PRKCG: variants seen among roughly 807,000 people sequenced by gnomAD.
The protein encoded by PRKCG is protein kinase C gamma, also known as protein kinase C gamma type.
PRKCG carries 28 observed loss-of-function variants against 82.0 expected under a neutral mutation model. That is an observed-to-expected ratio of 0.34 (90% confidence interval 0.25 to 0.47). The LOEUF is 0.47. PRKCG is among the 20% of genes least tolerant of loss of function. The pLI is 1.00. For missense variants in PRKCG, 640 were observed against 952.7 expected (o/e 0.67, Z 4.32); for synonymous variants, 383 against 376.6 (o/e 1.02, Z -0.20).
intron 3 of PRKCG, among the ~76,000 whole-genome samples, chr19:53,886,548 C>G (rs896008910): frequency 3.3e-5 from 5 of 152,032 alleles, no homozygotes; most frequent in Admixed American, 1.3e-4. Context: ...GGACTATAGG[C>G]ACAAGCCACA....
chr19:53,886,545 A>G (rs992586523), intron 3 of PRKCG, among the ~76,000 whole-genome samples: 1 of 152,082 alleles, frequency 6.6e-6, no homozygotes, highest in African/African-American at 2.4e-5. Context: ...CTGGGACTAT[A>G]GGCACAAGCC....
Position 53,890,002 on chromosome 19 carries a change from G to A in PRKCG, c.514G>A (p.Glu172Lys), listed in dbSNP as rs1443767012. 5.1e-6 allele frequency: 8 copies of A among 1,566,368 alleles called. No homozygotes were observed. Among genetic ancestry groups the A allele is most frequent in the Middle Eastern group, 4.2e-4 (2 of 4,796 alleles). ...QLEIRAPTAD[E>K]IHVTVGEARN... ...GGAGATCCGGGCTCCCACAGCAGAT[G>A]AGATCCACGTAACTGGTGAGGCCCC... Residue 172 changes from glutamate to lysine, a missense_variant, in exon 5 of 18, where the codon GAG (glutamate) becomes AAG (lysine). Glu to Lys is a moderately conservative substitution (Grantham distance 56). This residue lies in a region of PRKCG where 261 missense variants were observed against 312.1 expected (regional missense o/e 0.84). Coordinates refer to ENST00000263431, the MANE Select transcript of PRKCG (RefSeq NM_002739.5).
intron 3 of PRKCG, among the ~76,000 whole-genome samples, chr19:53,888,563 TCTTA>T (rs2068648865): frequency 1.3e-5 from 2 of 152,146 alleles, no homozygotes; most frequent in Admixed American, 1.3e-4. Context: ...GCGGCCTAGC[TCTTA>T]CTTACATTCA....
chr19:53,898,636 T>C lies in PRKCG; in HGVS notation c.1281+8T>C. On this transcript the variant is annotated splice_region_variant and intron_variant, in intron 11 of 17. Coordinates refer to ENST00000263431, the MANE Select transcript of PRKCG (RefSeq NM_002739.5). Reference sequence around the variant, plus strand: ...TCCACCTTCCAGACCCCGGTAAGGATGGAGGGGGCGGAGGCTGTCCTCCGG... The same window carrying C: ...TCCACCTTCCAGACCCCGGTAAGGACGGAGGGGGCGGAGGCTGTCCTCCGG... The C allele has an allele frequency of 1.3e-6, 2 of 1,565,984 alleles. No homozygotes were observed. The highest frequency in any genetic ancestry group is 1.2e-5 in the South Asian group (1 of 86,496).
intron 3 of PRKCG, among the ~76,000 whole-genome samples, chr19:53,888,249 T>C (rs1295118810): frequency 6.6e-6 from 1 of 152,154 alleles, no homozygotes; most frequent in Non-Finnish European, 1.5e-5. Context: ...TCTACCCAAA[T>C]ATATATTCAA....
Position 53,884,341 on chromosome 19 carries a change from G to C in PRKCG, c.285+98G>C. The C allele has an allele frequency of 8.5e-7, 1 of 1,176,660 alleles. No individual in the cohort carries two copies. The highest frequency in any genetic ancestry group is 1.2e-5 in the South Asian group (1 of 81,912). 72.9% of individuals were successfully genotyped at this position (1,176,660 alleles called of 1,614,324 possible). ...TTTCTCCTGCTATTTTTATGGCTGG[G>C]AGGGGAGGGGGGCTGGAGAGATAGG... On this transcript the variant is annotated intron_variant, in intron 3 of 17. Coordinates refer to ENST00000263431, the MANE Select transcript of PRKCG (RefSeq NM_002739.5). This position sits in a 1 kb window ranked among gnomAD's most constrained non-coding sequence, Gnocchi z 4.6.
chr19:53,891,278 C>CA (rs1555807168), intron 5 of PRKCG, among the ~76,000 whole-genome samples: 1 of 133,850 alleles, frequency 7.5e-6, no homozygotes, highest in Non-Finnish European at 1.6e-5. Flanking sequence ...GCTTGGAATT[C>CA]TTTTTTTTTT....
chr19:53,900,049 C>T lies in PRKCG; in HGVS notation c.1282-184C>T, dbSNP rs918716335. Among the ~76,000 whole-genome samples, 3 of 152,054 alleles carry T rather than the reference C, an allele frequency of 2.0e-5. No homozygotes were observed. Among genetic ancestry groups the T allele is most frequent in the African/African-American group, 7.2e-5 (3 of 41,388 alleles). On this transcript the variant is annotated intron_variant, in intron 11 of 17. Coordinates refer to ENST00000263431, the MANE Select transcript of PRKCG (RefSeq NM_002739.5). The surrounding 1 kb of genome is among the most constrained non-coding windows in gnomAD (Gnocchi z 4.2). ...GGTCTGATAGTTGGCGGTGGTCTGGCGGGTGGAGATTCTGAGGTAGCAGGA... is the reference window on the plus strand; with the variant it reads ...GGTCTGATAGTTGGCGGTGGTCTGGTGGGTGGAGATTCTGAGGTAGCAGGA...
At position 53,900,850 on chromosome 19, in the gene PRKCG, T is replaced by C; in HGVS notation, c.1575+101T>C. ...CGGGTGAGGCCTGACCCTCAGACCT[T>C]GTCATGAGTTGTGGCCTTCTTACAC... On this transcript the variant is annotated intron_variant, in intron 14 of 17. Transcript: ENST00000263431. The surrounding 1 kb of genome is among the most constrained non-coding windows in gnomAD (Gnocchi z 4.2). 1 of 1,572,128 alleles carries C rather than the reference T, an allele frequency of 6.4e-7. No homozygotes were observed. The highest frequency in any genetic ancestry group is 8.7e-7 in the Non-Finnish European group (1 of 1,151,206).
At chr19:53,885,613 T>G (rs985864768) in intron 3 of PRKCG, among the ~76,000 whole-genome samples, 1 of 152,132 alleles carries the variant, frequency 6.6e-6, no homozygotes, top group Non-Finnish European at 1.5e-5. Flanking sequence ...CAGGCTTGTT[T>G]TGAAGTCAGG....
rs201949903 is a variant in PRKCG, at chr19:53,894,607, G to A, written c.939+1216G>A. ...CCTGAGTAGTTGGGATTACAGGAGC[G>A]CACCACCACACCTGGCTAATTTTTG... On this transcript the variant is annotated intron_variant, in intron 9 of 17. Transcript: ENST00000263431. 5.7e-4 allele frequency among the ~76,000 whole-genome samples: 87 copies of A among 151,708 alleles called. No homozygotes were observed. In the East Asian group the frequency reaches 9.8e-3, roughly 17 times the overall value.
At chr19:53,906,608 A>C in intron 17 of PRKCG, 99 bp from the exon 18 acceptor site, 1 of 1,553,658 alleles carries the variant, frequency 6.4e-7, no homozygotes, top group East Asian at 2.2e-5. Context: ...GCATGAATAG[A>C]GATTCTGCAG....
At chr19:53,886,143 C>T (rs1037154471) in intron 3 of PRKCG, among the ~76,000 whole-genome samples, 3 of 150,844 alleles carry the variant, frequency 2.0e-5, no homozygotes, top group Non-Finnish European at 4.4e-5. Context: ...TTCACTCTGT[C>T]ACCCAGGCTG....
At chr19:53,902,890 C>CAAAAAAAAAAAAAAAAAAA (rs56955659) in intron 14 of PRKCG, among the ~76,000 whole-genome samples, 183 bp from the exon 15 acceptor site, 1 of 19,976 alleles carries the variant, frequency 5.0e-5, no homozygotes, top group African/African-American at 1.4e-4. Flanking sequence ...GAGACCCTGT[C>CAAAAAAAAAAAAAAAAAAA]AAAAAAAAAA....
intron 5 of PRKCG, among the ~76,000 whole-genome samples, chr19:53,891,363 G>A (rs1292139387): frequency 2.7e-5 from 4 of 150,308 alleles, no homozygotes; most frequent in Non-Finnish European, 4.4e-5. Flanking sequence ...TGCAAGCTCC[G>A]ACTCCTGGGT....
chr19:53,898,759 A>T, intron 11 of PRKCG, 131 bp downstream of exon 11: 3 of 215,814 alleles, frequency 1.4e-5, no homozygotes, highest in African/African-American at 3.5e-5. Flanking sequence ...GGCCAGGCGG[A>T]TTGTCTCCTC....
At position 53,883,081 on chromosome 19, in the gene PRKCG, A is replaced by G. The variant is rs1037572770; in HGVS notation, c.171-82A>G. 10 of 1,550,908 alleles carry G rather than the reference A, an allele frequency of 6.4e-6. No homozygotes were observed. The African/African-American group carries it at 1.4e-4, about 21-fold the overall frequency. On this transcript the variant is annotated intron_variant, in intron 1 of 17. Transcript: ENST00000263431. The surrounding 1 kb of genome is among the most constrained non-coding windows in gnomAD (Gnocchi z 5.4). ...GGGCCCTGCGGGAGGAGGGTCAGAG[A>G]GCGCAGGCCCCCTGTGGCTCGCAGA... is the stretch of plus-strand genomic sequence containing the variant.
Position 53,900,499 on chromosome 19 carries a change from T to C in PRKCG, c.1436+18T>C, listed in dbSNP as rs775336843. On this transcript the variant is annotated intron_variant, in intron 13 of 17. Coordinates refer to ENST00000263431, the MANE Select transcript of PRKCG (RefSeq NM_002739.5). The surrounding 1 kb of genome is among the most constrained non-coding windows in gnomAD (Gnocchi z 4.2). ...ATCTACAGGTGAGCAGCCCCAGGAA[T>C]TTCCGTGGAGGAAATCACGCCCCTG... 5 of 1,614,122 alleles carry C rather than the reference T, an allele frequency of 3.1e-6. No homozygotes were observed. The South Asian group carries it at 5.5e-5, about 18-fold the overall frequency.
At chr19:53,893,168 C>T (rs2068692756) in intron 8 of PRKCG, 93 bp downstream of exon 8, 3 of 1,341,572 alleles carry the variant, frequency 2.2e-6, no homozygotes, top group Admixed American at 1.9e-5. Flanking sequence ...CCCGCTGGTC[C>T]TGGGACTACA....
Sources: gnomAD v4.1 joint callset for allele counts (sites outside exome capture counted in the v4.1 genomes callset) on GRCh38, gnomAD v4.1.1 for gene constraint, gnomAD v4.1.1 regional missense constraint, Gnocchi (gnomAD v3.1) non-coding constraint, MANE v1.5 for transcripts, NCBI Gene and HGNC (gene_info 2026-07-23, HGNC 2026-07-21) for gene names.